PIGU: variants seen among roughly 807,000 people sequenced by gnomAD.
PIGU encodes GPI-anchor transamidase component PIGU.
In PIGU, 24 loss-of-function variants were observed where a neutral mutation model predicts 49.9. That is an observed-to-expected ratio of 0.48 (90% confidence interval 0.35 to 0.68). The LOEUF is 0.68. PIGU is among the 30% of genes least tolerant of loss of function. PIGU has a pLI of 0.01. For synonymous variants in PIGU, 220 were observed against 205.7 expected (o/e 1.07, Z -0.59); for missense variants, 490 against 532.6 (o/e 0.92, Z 0.79).
chr20:34,623,421 T>C (rs1985324774), intron 6 of PIGU, among the ~76,000 whole-genome samples: 1 of 152,198 alleles, frequency 6.6e-6, no homozygotes, highest in Non-Finnish European at 1.5e-5. Context: ...GTTCCAGCCA[T>C]GACTGTAAGC....
chr20:34,581,100 A>G (rs115302301), intron 10 of PIGU, among the ~76,000 whole-genome samples: 1 of 152,324 alleles, frequency 6.6e-6, no homozygotes, highest in African/African-American at 2.4e-5. Context: ...CTGTGCAGAC[A>G]GAGGACTTTT....
intron 2 of PIGU, among the ~76,000 whole-genome samples, chr20:34,648,694 G>A (rs1986434711): frequency 6.6e-6 from 1 of 152,052 alleles, no homozygotes; most frequent in Non-Finnish European, 1.5e-5. Flanking sequence ...GACTACAGAT[G>A]TGCGCCACCA....
At chr20:34,638,309 C>T (rs1454257072) in intron 4 of PIGU, among the ~76,000 whole-genome samples, 1 of 152,216 alleles carries the variant, frequency 6.6e-6, no homozygotes, top group Non-Finnish European at 1.5e-5. Context: ...TCCCTCACCA[C>T]CCCACACCCA....
chr20:34,595,162 G>A (rs1173211593), intron 7 of PIGU, among the ~76,000 whole-genome samples: 1 of 151,120 alleles, frequency 6.6e-6, no homozygotes, highest in Admixed American at 6.6e-5. Context: ...TCACTGGTGT[G>A]TGAAAGGAAT....
chr20:34,666,520 TAA>T (rs1987099555), intron 1 of PIGU, among the ~76,000 whole-genome samples: 1 of 150,944 alleles, frequency 6.6e-6, no homozygotes, highest in Non-Finnish European at 1.5e-5. Flanking sequence ...CTTATTTAAT[TAA>T]TTAATTTATT....
chr20:34,676,190 C>A (rs1322682138), intron 1 of PIGU, among the ~76,000 whole-genome samples: 1 of 152,072 alleles, frequency 6.6e-6, no homozygotes, highest in Non-Finnish European at 1.5e-5. Flanking sequence ...TCTAATCTCC[C>A]TTTCAAAACC....
At chr20:34,652,171 T>C (rs1459078139) in intron 2 of PIGU, among the ~76,000 whole-genome samples, 2 of 152,066 alleles carry the variant, frequency 1.3e-5, no homozygotes, top group Non-Finnish European at 1.5e-5. Flanking sequence ...AGCTAATTTA[T>C]TTTTCCCCCT....
rs553500669 is a variant in PIGU, at chr20:34,603,047, T to C, written c.627+12995A>G. Among the ~76,000 whole-genome samples, 10 of 152,312 alleles carry C rather than the reference T, an allele frequency of 6.6e-5. No individual in the cohort carries two copies. In the South Asian group the frequency reaches 1.9e-3, roughly 28 times the overall value. On this transcript the variant is annotated intron_variant, in intron 7 of 11. Coordinates refer to ENST00000217446, the MANE Select transcript of PIGU (RefSeq NM_080476.5). ...ACTCCTGCCCATATCTTTTTTTTTT[T>C]TCTTGTTACAATTCATATGTTACAG...
At chr20:34,594,831 G>A (rs1458136996) in intron 7 of PIGU, among the ~76,000 whole-genome samples, 6 of 152,078 alleles carry the variant, frequency 3.9e-5, no homozygotes, top group Non-Finnish European at 7.4e-5. Context: ...AGTGGCTCAC[G>A]CCTGTAATCC....
chr20:34,638,725 T>C (rs1986049055), intron 4 of PIGU, among the ~76,000 whole-genome samples: 3 of 151,986 alleles, frequency 2.0e-5, no homozygotes, highest in Admixed American at 6.6e-5. Context: ...AAGCTGGGTG[T>C]GGGTGGGCAG....
intron 1 of PIGU, among the ~76,000 whole-genome samples, chr20:34,670,192 C>CT (rs11476375): frequency 0.33 from 45,613 of 137,286 alleles, 8,357 homozygotes; most frequent in Admixed American, 0.52. Context: ...GTAATAACGG[C>CT]TTTTTTTTTT....
chr20:34,663,858 G>T (rs769343012), intron 1 of PIGU, among the ~76,000 whole-genome samples: 201 of 152,248 alleles, frequency 1.3e-3, no homozygotes, highest in Admixed American at 2.4e-3. Context: ...AACTCTACAG[G>T]GCACCAGTAT....
At chr20:34,563,504 A>T (rs1274788093) in intron 11 of PIGU, among the ~76,000 whole-genome samples, 4 of 152,082 alleles carry the variant, frequency 2.6e-5, no homozygotes, top group Admixed American at 1.3e-4. Flanking sequence ...GGAGGCGGAG[A>T]TGCGCCATTG....
At chr20:34,592,102 T>C (rs979799089) in intron 7 of PIGU, among the ~76,000 whole-genome samples, 3 of 150,014 alleles carry the variant, frequency 2.0e-5, no homozygotes, top group Non-Finnish European at 4.4e-5. Context: ...GGCAGGAGAA[T>C]GGCGTGAACC....
intron 2 of PIGU, among the ~76,000 whole-genome samples, chr20:34,656,573 C>T (rs1197348849): frequency 2.0e-5 from 3 of 152,116 alleles, no homozygotes; most frequent in Non-Finnish European, 4.4e-5. Flanking sequence ...TGAGCCACTG[C>T]ACCCGGCCTG....
At chr20:34,641,618 C>T (rs1048408420) in intron 4 of PIGU, among the ~76,000 whole-genome samples, 3 of 152,112 alleles carry the variant, frequency 2.0e-5, no homozygotes, top group Non-Finnish European at 2.9e-5. Context: ...GTGCAGTCCC[C>T]TCTCTGCCCT....
intron 1 of PIGU, among the ~76,000 whole-genome samples, chr20:34,670,669 A>G (rs914035064): frequency 3.3e-5 from 5 of 152,090 alleles, no homozygotes; most frequent in African/African-American, 4.8e-5. Flanking sequence ...TCTCCCAGGT[A>G]GCTGGGACTA....
intron 1 of PIGU, among the ~76,000 whole-genome samples, chr20:34,674,544 T>C (rs1343001587): frequency 1.3e-5 from 2 of 152,166 alleles, no homozygotes; most frequent in African/African-American, 2.4e-5. Flanking sequence ...CTCTTCCACA[T>C]TTATTCAACA....
chr20:34,642,900 GGT>G (rs1986215390), intron 4 of PIGU, among the ~76,000 whole-genome samples: 1 of 151,528 alleles, frequency 6.6e-6, no homozygotes, highest in South Asian at 2.1e-4. Context: ...TGGGATTACA[GGT>G]GCACACCATC....
Sources: gnomAD v4.1 joint callset for allele counts (sites outside exome capture counted in the v4.1 genomes callset) on GRCh38, gnomAD v4.1.1 for gene constraint, MANE v1.5 for transcripts, NCBI Gene and HGNC (gene_info 2026-07-23, HGNC 2026-07-21) for gene names.